The following INTS4 variants were observed in gnomAD, a reference collection of about 807,000 sequenced individuals.
INTS4 encodes integrator complex subunit 4, also known as MSTP093.
A neutral mutation model predicts 119.5 loss-of-function variants in INTS4; 70 were observed. The observed-to-expected ratio is 0.59, with a 90% CI of 0.48 to 0.71. The LOEUF (loss-of-function observed/expected upper bound fraction) is 0.71. INTS4 is among the 30% of genes least tolerant of loss of function. The pLI is 0.00. For synonymous variants in INTS4, 316 were observed against 419.6 expected (o/e 0.75, Z 3.02); for missense variants, 867 against 1,173.2 (o/e 0.74, Z 3.81).
chr11:77,921,446 T>A lies in INTS4; in HGVS notation c.1658A>T (p.Asn553Ile). 6.2e-7 allele frequency: 1 copy of A among 1,609,090 alleles called. No homozygotes were observed. Among genetic ancestry groups the A allele is most frequent in the Non-Finnish European group, 8.5e-7 (1 of 1,175,498 alleles). The part of the protein sequence containing the change: ...AYIAVLVLIF[N>I]AAKTCPTMPA... The stretch of plus-strand genomic sequence containing the variant: ...CATTGTTGGACAGGTTTTAGCAGCA[T>A]TGAAAATAAGTACCAAAACTGCAAT... Residue 553 changes from asparagine (N) to isoleucine (I), a missense_variant, in exon 14 of 23, where the codon AAT becomes ATT. By Grantham distance (149) the Asn-to-Ile change is moderately radical. Around this residue, in one of 5 missense-constraint regions of INTS4, gnomAD observed 262 missense variants for 376.0 expected, o/e 0.70. Transcript: ENST00000534064.
intron 21 of INTS4, 122 bp from the exon 22 acceptor site, chr11:77,884,074 T>G: frequency 1.0e-6 from 1 of 1,001,744 alleles, no homozygotes; most frequent in South Asian, 1.5e-5. Flanking sequence ...TTACTAAGAT[T>G]GAGCCTTGGG....
chr11:77,985,376 T>C (rs1204852536), intron 2 of INTS4, among the ~76,000 whole-genome samples: 3 of 152,226 alleles, frequency 2.0e-5, no homozygotes, highest in Non-Finnish European at 4.4e-5. Flanking sequence ...TCTTCTAATG[T>C]GATAGCCTGT....
In INTS4 at chr11:77,920,820, T is replaced by C. The variant is rs190489465; in HGVS notation, c.1764+520A>G. Among the ~76,000 whole-genome samples, 549 of 151,790 alleles carry C rather than the reference T, an allele frequency of 3.6e-3. 2 individuals are homozygous for C. The highest frequency in any genetic ancestry group is 0.014 in the Middle Eastern group (4 of 292). ...TGAGCCGAGATCGTGCCACTGCACT[T>C]CAGCCTGGGCGACAGAGCAAGACTC... On this transcript the variant is annotated intron_variant, in intron 14 of 22. Coordinates refer to ENST00000534064, the MANE Select transcript of INTS4 (RefSeq NM_033547.4).
At chr11:77,919,062 A>C in intron 14 of INTS4, 84 bp from the exon 15 acceptor site, 6 of 1,431,192 alleles carry the variant, frequency 4.2e-6, no homozygotes, top group Non-Finnish European at 5.8e-6. Flanking sequence ...AAGCACATTA[A>C]AAACGTGAGC....
rs4945227 is a variant in INTS4, at chr11:77,981,739, T to A, written c.247-163A>T. Among the ~76,000 whole-genome samples the A allele has an allele frequency of 2.9e-3, 436 of 149,958 alleles. 2 individuals carry two copies. Among genetic ancestry groups the A allele is most frequent in the South Asian group, 6.5e-3 (31 of 4,770 alleles). The stretch of plus-strand genomic sequence containing the variant: ...ATATACTTCTGGAGAGACAGCTTTC[T>A]TTTATTTATTTATTTATTTATTTAT... On this transcript the variant is annotated intron_variant, in intron 2 of 22. Transcript: ENST00000534064.
downstream of INTS4, chr11:77,876,937 T>A (rs556607156): frequency 1.4e-6 from 1 of 703,082 alleles, no homozygotes; most frequent in Non-Finnish European, 2.6e-6. Flanking sequence ...TGGTTCTTCA[T>A]GTTTTTGTCT....
chr11:77,942,852 T>G (rs1431900446), intron 8 of INTS4, among the ~76,000 whole-genome samples: 1 of 152,158 alleles, frequency 6.6e-6, no homozygotes, highest in Admixed American at 6.6e-5. Flanking sequence ...TCATAGAAAA[T>G]TACATGTTCC....
intron 18 of INTS4, among the ~76,000 whole-genome samples, chr11:77,894,555 A>G (rs1326163352): frequency 6.6e-6 from 1 of 152,214 alleles, no homozygotes; most frequent in Non-Finnish European, 1.5e-5. Context: ...TGCAGTGCCC[A>G]TTAAGCTCAA....
downstream of INTS4, among the ~76,000 whole-genome samples, chr11:77,876,679 C>T (rs1044294444): frequency 2.6e-5 from 4 of 152,128 alleles, no homozygotes; most frequent in African/African-American, 9.7e-5. Context: ...AAGCCAAAAC[C>T]TGTCCCTTAG....
intron 4 of INTS4, among the ~76,000 whole-genome samples, chr11:77,970,545 A>T (rs1855686554): frequency 6.6e-6 from 1 of 151,818 alleles, no homozygotes; most frequent in Admixed American, 6.6e-5. Context: ...CAGCTGAGCG[A>T]ACACCAGGCA....
At chr11:77,911,825 T>C (rs1282750123) in intron 15 of INTS4, among the ~76,000 whole-genome samples, 1 of 152,160 alleles carries the variant, frequency 6.6e-6, no homozygotes, top group African/African-American at 2.4e-5. Context: ...CACTTAATCC[T>C]CACAATATGA....
At chr11:77,917,375 G>A (rs1215668220) in intron 15 of INTS4, among the ~76,000 whole-genome samples, 12 of 145,542 alleles carry the variant, frequency 8.2e-5, no homozygotes, top group South Asian at 2.1e-4. Flanking sequence ...GTGCAGTGGC[G>A]CAATCCTGGC....
intron 1 of INTS4, 58 bp downstream of exon 1, chr11:77,994,532 G>C (rs1856823839): frequency 2.9e-6 from 4 of 1,365,900 alleles, no homozygotes; most frequent in Non-Finnish European, 3.1e-6. Flanking sequence ...AAGTGCCTGG[G>C]ATTTGGATAA....
rs1409077428 is a variant in INTS4, at chr11:77,879,005, T to C, written c.2836A>G (p.Ile946Val). The change falls in exon 23 of 23, where the codon ATT becomes GTT. Residue 946 changes from isoleucine to valine, a missense_variant. Coordinates refer to ENST00000534064, the MANE Select transcript of INTS4 (RefSeq NM_033547.4). ...PQVETSIEGT[I>V]PFSKPVKVYI... ...ACTTTTACAGGCTTGCTGAAGGGAA[T>C]GGTGCCCTCGATGCTGGTTTCCACC... 1 of 1,614,058 alleles carries C rather than the reference T, an allele frequency of 6.2e-7. No individual in the cohort carries two copies. The highest frequency in any genetic ancestry group is 8.5e-7 in the Non-Finnish European group (1 of 1,180,044).
intron 8 of INTS4, among the ~76,000 whole-genome samples, chr11:77,954,806 G>GCCT (rs1954278742): frequency 6.6e-6 from 1 of 152,166 alleles, no homozygotes; most frequent in Non-Finnish European, 1.5e-5. Flanking sequence ...CTGTTGTGTG[G>GCCT]CCTGGTTCCT....
At chr11:77,913,461 G>A (rs948218746) in intron 15 of INTS4, among the ~76,000 whole-genome samples, 44 of 151,746 alleles carry the variant, frequency 2.9e-4, no homozygotes, top group Admixed American at 1.3e-4. Context: ...ACAGGCACCC[G>A]CCACCACGCC....
chr11:77,940,877 C>A (rs1298331894), intron 9 of INTS4, among the ~76,000 whole-genome samples: 2 of 152,158 alleles, frequency 1.3e-5, no homozygotes, highest in Non-Finnish European at 2.9e-5. Context: ...ACAAGTGATC[C>A]ACCTGCCTCA....
intron 8 of INTS4, 112 bp from the exon 9 acceptor site, chr11:77,941,363 C>G: frequency 2.9e-5 from 35 of 1,214,524 alleles, no homozygotes; most frequent in Non-Finnish European, 3.8e-5. Context: ...TTATTCATGA[C>G]AGTAAAGATG....
chr11:77,905,729 A>G (rs76867152), intron 16 of INTS4, among the ~76,000 whole-genome samples: 2,709 of 152,344 alleles, frequency 0.018, 83 homozygotes, highest in African/African-American at 0.062. Flanking sequence ...AATCTCGTCA[A>G]AAGACTTGAG....
Sources: gnomAD v4.1 joint callset for allele counts (sites outside exome capture counted in the v4.1 genomes callset) on GRCh38, gnomAD v4.1.1 for gene constraint, gnomAD v4.1.1 regional missense constraint, MANE v1.5 for transcripts, NCBI Gene and HGNC (gene_info 2026-07-23, HGNC 2026-07-21) for gene names.